SYNE3: variants seen among roughly 807,000 people sequenced by gnomAD.
SYNE3 encodes spectrin repeat containing nuclear envelope family member 3.
A neutral mutation model predicts 111.2 loss-of-function variants in SYNE3; 100 were observed. That is an observed-to-expected ratio of 0.90 (90% confidence interval 0.77 to 1.06). The LOEUF (loss-of-function observed/expected upper bound fraction) is 1.06, where lower values mean the gene tolerates loss of function less well. SYNE3 is among the 50% of genes least tolerant of loss of function. The probability of loss-of-function intolerance (pLI) is 0.00; values close to 1 mark genes in which losing one functional copy is unlikely to be tolerated. For synonymous variants in SYNE3, 547 were observed against 533.9 expected, an observed-to-expected ratio of 1.02 and a Z score of -0.34; for missense variants, 1,160 against 1,240.3, an observed-to-expected ratio of 0.94 and a Z score of 0.97.
rs149003754 is a variant in SYNE3, at chr14:95,468,376, G to A, written c.145-409C>T. Reference sequence around the variant, plus strand: ...TGTGAGGTACATGTTTCAGTGTGCAGCGTGAGCATCTACCTCTCAGGGGGA... The same window carrying A: ...TGTGAGGTACATGTTTCAGTGTGCAACGTGAGCATCTACCTCTCAGGGGGA... On this transcript the variant is annotated intron_variant, in intron 2 of 17. Transcript: ENST00000682763. Among the ~76,000 whole-genome samples, 37 of 152,302 alleles carry A rather than the reference G, an allele frequency of 2.4e-4. No homozygotes were observed. In the East Asian group the frequency reaches 6.2e-3, roughly 25 times the overall value.
rs375097470 is a variant in SYNE3, at chr14:95,417,965, A to G, written c.2789T>C (p.Leu930Pro). ...GAGGAACAGCAGCAGAAGCAGCTGC[A>G]GTGGGAGCGCCACACAGCACGCCCT... Reference protein sequence around the residue: ...FRRACCVALPLQLLLLLFLLL... With the variant: ...FRRACCVALPPQLLLLLFLLL... The change falls in exon 18 of 18, where the codon CTG becomes CCG. Residue 930 changes from leucine to proline, a missense_variant. Coordinates refer to ENST00000682763, the MANE Select transcript of SYNE3 (RefSeq NM_152592.6). 8.7e-6 allele frequency: 14 copies of G among 1,613,156 alleles called. No individual in the cohort carries two copies. The African/African-American group carries it at 1.6e-4, about 18-fold the overall frequency.
chr14:95,443,361 G>A (rs1886516839), intron 10 of SYNE3, 72 bp from the exon 11 acceptor site: 1 of 1,576,578 alleles, frequency 6.3e-7, no homozygotes. Flanking sequence ...GATCAGGGCA[G>A]AGCCTCTGAG....
rs930696688 is a variant in SYNE3, at chr14:95,470,581, G to T, written c.145-2614C>A. 2.6e-5 allele frequency among the ~76,000 whole-genome samples: 4 copies of T among 152,090 alleles called. No homozygotes were observed. The highest frequency in any genetic ancestry group is 9.7e-5 in the African/African-American group (4 of 41,394). Reference sequence around the variant, plus strand: ...CAGGAAGATTGCTTGAGCCCAGGAGGTTGAGGCTGCAGTGAGCCATGATCA... The same window carrying T: ...CAGGAAGATTGCTTGAGCCCAGGAGTTTGAGGCTGCAGTGAGCCATGATCA... On this transcript the variant is annotated intron_variant, in intron 2 of 17. Coordinates refer to ENST00000682763, the MANE Select transcript of SYNE3 (RefSeq NM_152592.6). The surrounding 1 kb of genome is among the most constrained non-coding windows in gnomAD (Gnocchi z 4.2).
At chr14:95,475,304 C>A (rs1162354845) in intron 2 of SYNE3, among the ~76,000 whole-genome samples, 1 of 152,238 alleles carries the variant, frequency 6.6e-6, no homozygotes, top group African/African-American at 2.4e-5. Context: ...GGACCCCAAC[C>A]AGGCAGAAGC....
At chr14:95,499,267 G>A (rs1309445896) in intron 1 of SYNE3, among the ~76,000 whole-genome samples, 1 of 152,188 alleles carries the variant, frequency 6.6e-6, no homozygotes, top group African/African-American at 2.4e-5. Context: ...CAGGGTCAAA[G>A]GCTTTTCTGA....
rs1021353465 is a variant in SYNE3 at position 95,426,896 on chromosome 14, A to G, written c.2727+5183T>C. On this transcript the variant is annotated intron_variant, in intron 17 of 17. Transcript: ENST00000682763. ...GAGGCGGAGCTTGCAGTGATCCAAGATCGCACCACTGCACTCCAGCCTGGG... is the reference window on the plus strand; with the variant it reads ...GAGGCGGAGCTTGCAGTGATCCAAGGTCGCACCACTGCACTCCAGCCTGGG... Among the ~76,000 whole-genome samples the G allele has an allele frequency of 1.3e-4, 19 of 144,798 alleles. No individual in the cohort carries two copies. In the East Asian group the frequency reaches 2.9e-3, roughly 22 times the overall value. 95.0% of individuals were successfully genotyped at this position (144,798 alleles called of 152,430 possible).
chr14:95,439,471 G>A (rs756622943), intron 13 of SYNE3, 141 bp downstream of exon 13: 1 of 1,140,764 alleles, frequency 8.8e-7, no homozygotes, highest in Non-Finnish European at 1.3e-6. Context: ...TAGCCAACTG[G>A]GCCAAAGTGT....
intron 7 of SYNE3, chr14:95,450,512 CAA>C (rs1047793747): frequency 3.5e-4 from 59 of 166,826 alleles, no homozygotes; most frequent in East Asian, 1.6e-3. Context: ...CCATCCCCCC[CAA>C]AAAAATTTAA....
chr14:95,432,127 T>C lies in SYNE3; in HGVS notation c.2689-10A>G. ...CTGGAGAACTTTGTGTCTGTTATTT[T>C]AGGGAAGGAGAGGAAAAGGGGGGAA... On this transcript the variant is annotated splice_polypyrimidine_tract_variant and intron_variant, in intron 16 of 17. Coordinates refer to ENST00000682763, the MANE Select transcript of SYNE3 (RefSeq NM_152592.6). 6.2e-7 allele frequency: 1 copy of C among 1,610,836 alleles called. No individual in the cohort carries two copies. The highest frequency in any genetic ancestry group is 8.5e-7 in the Non-Finnish European group (1 of 1,178,834).
intron 11 of SYNE3, among the ~76,000 whole-genome samples, chr14:95,441,554 T>C (rs1886416688): frequency 1.3e-5 from 2 of 152,230 alleles, no homozygotes; most frequent in South Asian, 4.1e-4. Flanking sequence ...AATTGGAATA[T>C]CATCATTTTG....
rs377265137 is a variant in SYNE3 at position 95,440,089 on chromosome 14, C to G, written c.1912-14G>C. ...GTCCACAAGGTCCTGCAGCACAGCC[C>G]GGGGAGCCCAGGGCATCCTGAGTGC... On this transcript the variant is annotated splice_polypyrimidine_tract_variant and intron_variant, in intron 11 of 17. Transcript: ENST00000682763. 174 of 1,586,374 alleles carry G rather than the reference C, an allele frequency of 1.1e-4. No homozygotes were observed. The African/African-American group carries it at 2.1e-3, about 19-fold the overall frequency.
chr14:95,432,979 C>T (rs193249933), intron 16 of SYNE3, among the ~76,000 whole-genome samples: 26 of 152,248 alleles, frequency 1.7e-4, no homozygotes, highest in African/African-American at 5.1e-4. Flanking sequence ...ACAGGGCCCT[C>T]GGCTTGGGAG....
rs118155448 is a variant in SYNE3, at chr14:95,465,489, G to A, written c.627+442C>T. On this transcript the variant is annotated intron_variant, in intron 4 of 17. Coordinates refer to ENST00000682763, the MANE Select transcript of SYNE3 (RefSeq NM_152592.6). ...CAGTGGAGAGATGGATGAGTGAATG[G>A]GTGAGTGAGGAAGAGGTGGCTGGGT... Among the ~76,000 whole-genome samples the A allele has an allele frequency of 7.2e-3, 1,091 of 152,238 alleles. 4 individuals are homozygous for A. The highest frequency in any genetic ancestry group is 0.011 in the Non-Finnish European group (744 of 68,024).
At chr14:95,431,883 C>A (rs1004832623) in intron 17 of SYNE3, among the ~76,000 whole-genome samples, 196 bp downstream of exon 17, 5 of 152,226 alleles carry the variant, frequency 3.3e-5, no homozygotes, top group Non-Finnish European at 5.9e-5. Context: ...CAGCCTCCCC[C>A]CAAGCCTGGG....
rs566820356 is a variant in SYNE3, at chr14:95,511,268, T to C, written c.-15+5328A>G. Among the ~76,000 whole-genome samples the C allele has an allele frequency of 2.6e-5, 4 of 152,370 alleles. No homozygotes were observed. The South Asian group carries it at 8.3e-4, about 32-fold the overall frequency. Reference sequence around the variant, plus strand: ...AAATAGGATGAGTGAGAGGAGCTCTTTCCTAAGAGGACTTCCTGTAGGAAA... The same window carrying C: ...AAATAGGATGAGTGAGAGGAGCTCTCTCCTAAGAGGACTTCCTGTAGGAAA... On this transcript the variant is annotated intron_variant, in intron 1 of 17. Transcript: ENST00000682763.
intron 1 of SYNE3, among the ~76,000 whole-genome samples, chr14:95,476,947 T>C (rs1888922379): frequency 6.6e-6 from 1 of 152,256 alleles, no homozygotes. Flanking sequence ...TAGAATATTA[T>C]GCAGCCAGCA....
chr14:95,513,052 C>G (rs779400756), intron 1 of SYNE3, among the ~76,000 whole-genome samples: 1 of 151,898 alleles, frequency 6.6e-6, no homozygotes, highest in African/African-American at 2.4e-5. Flanking sequence ...TTTTTTAAAC[C>G]AGCTTAACTT....
intron 1 of SYNE3, among the ~76,000 whole-genome samples, chr14:95,497,157 C>T (rs1033104377): frequency 2.0e-5 from 3 of 152,252 alleles, no homozygotes; most frequent in Admixed American, 6.5e-5. Context: ...CCTGTCCCCC[C>T]ACACAGGGAT....
In SYNE3 at chr14:95,443,196, G is replaced by A. The variant is rs1461359913; in HGVS notation, c.1870C>T (p.Gln624Ter). ...AGGGCCTGGAAGTCGGAGGAAAGCT[G>A]GTCCATTTTGTGCTGGTGGTTGGGG... ...ENPNHQHKMD[Q>*]LSSDFQALQR... Residue 624 changes from glutamine (Q) to a stop codon, truncating the protein, a stop_gained, in exon 11 of 18, where the codon CAG (glutamine) becomes TAG (stop). Transcript: ENST00000682763. LOFTEE classifies it high-confidence loss of function. The A allele has an allele frequency of 1.9e-6, 3 of 1,614,158 alleles. No homozygotes were observed. Among genetic ancestry groups the A allele is most frequent in the Non-Finnish European group, 2.5e-6 (3 of 1,180,016 alleles).
Sources: allele counts gnomAD v4.1 joint callset (sites outside exome capture counted in the v4.1 genomes callset), GRCh38; gene constraint gnomAD v4.1.1; non-coding constraint Gnocchi (gnomAD v3.1); transcripts MANE v1.5; gene names NCBI Gene and HGNC (gene_info 2026-07-23, HGNC 2026-07-21).